CAMK1D: variants seen among roughly 807,000 people sequenced by gnomAD.
CAMK1D encodes calcium/calmodulin-dependent protein kinase type 1D.
In CAMK1D, 9 loss-of-function variants were observed where a neutral mutation model predicts 47.7. That is an observed-to-expected ratio of 0.19 (90% confidence interval 0.11 to 0.33). The LOEUF is 0.33. Ranked by LOEUF, CAMK1D falls within the 10% of genes least tolerant of loss-of-function variation. The pLI, the probability that CAMK1D is intolerant of heterozygous loss-of-function variation, is 1.00. For missense variants in CAMK1D, 291 were observed against 488.7 expected (o/e 0.60, Z 3.81); for synonymous variants, 184 against 184.9 (o/e 0.99, Z 0.04).
chr10:12,806,826 T>A (rs67620011), intron 6 of CAMK1D, among the ~76,000 whole-genome samples: 11,815 of 152,226 alleles, frequency 0.078, 467 homozygotes, highest in Middle Eastern at 0.13. Context: ...AGGGAATTTG[T>A]GTCTGGTCCC....
chr10:12,767,514 T>C (rs1836822221), intron 4 of CAMK1D, among the ~76,000 whole-genome samples: 1 of 152,056 alleles, frequency 6.6e-6, no homozygotes, highest in Non-Finnish European at 1.5e-5. Context: ...TTTGCCAAGG[T>C]CAAGAATGTG....
At chr10:12,616,651 G>A (rs1838831760) in intron 2 of CAMK1D, among the ~76,000 whole-genome samples, 1 of 152,042 alleles carries the variant, frequency 6.6e-6, no homozygotes, top group Non-Finnish European at 1.5e-5. Context: ...CCGAGTAGCT[G>A]GGACTACAGG....
intron 2 of CAMK1D, among the ~76,000 whole-genome samples, chr10:12,609,414 A>G (rs1838558648): frequency 6.6e-6 from 1 of 152,172 alleles, no homozygotes; most frequent in Non-Finnish European, 1.5e-5. Flanking sequence ...TTATTATTAC[A>G]TTGGAATACA....
intron 2 of CAMK1D, among the ~76,000 whole-genome samples, chr10:12,555,829 T>A (rs1215492778): frequency 2.6e-5 from 4 of 152,178 alleles, no homozygotes; most frequent in African/African-American, 9.7e-5. Context: ...AGGAAGTCAG[T>A]TTCATTTTTT....
At chr10:12,517,156 TA>T (rs2132177666) in intron 1 of CAMK1D, among the ~76,000 whole-genome samples, 1 of 152,332 alleles carries the variant, frequency 6.6e-6, no homozygotes, top group South Asian at 2.1e-4. Context: ...TGAATAGTAT[TA>T]TTTTTAAAAT....
intron 3 of CAMK1D, among the ~76,000 whole-genome samples, chr10:12,694,299 T>TACATA (rs1833133925): frequency 2.8e-5 from 2 of 71,784 alleles, no homozygotes; most frequent in Admixed American, 2.7e-4. Context: ...ATATATATTA[T>TACATA]ATATAAAATA....
At chr10:12,384,813 TTG>T (rs1459170177) in intron 1 of CAMK1D, among the ~76,000 whole-genome samples, 2 of 152,156 alleles carry the variant, frequency 1.3e-5, no homozygotes, top group Non-Finnish European at 2.9e-5. Context: ...TCATCAAAAA[TTG>T]TGCATCAAAG....
intron 1 of CAMK1D, among the ~76,000 whole-genome samples, chr10:12,504,900 C>G (rs550594397): frequency 9.2e-5 from 14 of 152,306 alleles, no homozygotes; most frequent in Non-Finnish European, 1.3e-4. Context: ...TGATGCTCTC[C>G]TGAGGTGTGG....
chr10:12,583,612 T>A (rs560915938), intron 2 of CAMK1D, among the ~76,000 whole-genome samples: 132 of 151,198 alleles, frequency 8.7e-4, no homozygotes, highest in African/African-American at 3.0e-3. Flanking sequence ...TTTATTTTTT[T>A]TTTTTTTTGA....
At chr10:12,696,095 CAAAAT>C (rs1167316796) in intron 3 of CAMK1D, among the ~76,000 whole-genome samples, 2 of 151,884 alleles carry the variant, frequency 1.3e-5, no homozygotes, top group African/African-American at 2.4e-5. Context: ...ATCTCAAAAA[CAAAAT>C]AAAATAAAAT....
chr10:12,465,472 A>T (rs1238972102), intron 1 of CAMK1D, among the ~76,000 whole-genome samples: 1 of 152,130 alleles, frequency 6.6e-6, no homozygotes, highest in African/African-American at 2.4e-5. Context: ...TTCCTGCCTC[A>T]GCCTTCCGAG....
chr10:12,768,921 G>A (rs1319693416), intron 4 of CAMK1D, among the ~76,000 whole-genome samples: 3 of 152,190 alleles, frequency 2.0e-5, no homozygotes, highest in African/African-American at 7.2e-5. Context: ...AGCCCCTCCT[G>A]TATGTTGCAG....
chr10:12,788,392 C>T (rs771899868), intron 5 of CAMK1D, among the ~76,000 whole-genome samples: 9 of 152,294 alleles, frequency 5.9e-5, no homozygotes, highest in Admixed American at 3.9e-4. Flanking sequence ...CTGGCTGCTG[C>T]GCCATCTCAC....
chr10:12,604,456 G>A (rs1023872242), intron 2 of CAMK1D, among the ~76,000 whole-genome samples: 4 of 152,194 alleles, frequency 2.6e-5, no homozygotes, highest in Non-Finnish European at 5.9e-5. Flanking sequence ...GTTGGCCCTT[G>A]GGAAGCTGAA....
At chr10:12,545,405 C>A (rs778199045) in intron 1 of CAMK1D, among the ~76,000 whole-genome samples, 1 of 142,294 alleles carries the variant, frequency 7.0e-6, no homozygotes, top group Admixed American at 7.5e-5. Flanking sequence ...AGCTAGATGA[C>A]GCCACTGCAC....
At chr10:12,397,332 C>T (rs767249246) in intron 1 of CAMK1D, among the ~76,000 whole-genome samples, 50 of 152,134 alleles carry the variant, frequency 3.3e-4, no homozygotes, top group Non-Finnish European at 6.0e-4. Context: ...CTTTGTGTGT[C>T]CTTGACCCTT....
At chr10:12,795,747 A>G (rs1471178369) in intron 6 of CAMK1D, among the ~76,000 whole-genome samples, 2 of 152,248 alleles carry the variant, frequency 1.3e-5, no homozygotes, top group Middle Eastern at 3.4e-3. Context: ...CCATTTATCT[A>G]CTATTCATCA....
At chr10:12,790,111 C>A (rs1837913132) in intron 5 of CAMK1D, among the ~76,000 whole-genome samples, 1 of 152,200 alleles carries the variant, frequency 6.6e-6, no homozygotes, top group African/African-American at 2.4e-5. Context: ...GAACAAGCCA[C>A]AAGGCCAGGA....
intron 2 of CAMK1D, among the ~76,000 whole-genome samples, chr10:12,614,044 A>G (rs1838709267): frequency 6.6e-6 from 1 of 152,122 alleles, no homozygotes; most frequent in South Asian, 2.1e-4. Context: ...CTCCTTAATT[A>G]TTATTTTTTA....
Sources: gnomAD v4.1 joint callset for allele counts (sites outside exome capture counted in the v4.1 genomes callset) on GRCh38, gnomAD v4.1.1 for gene constraint, MANE v1.5 for transcripts, NCBI Gene and HGNC (gene_info 2026-07-23, HGNC 2026-07-21) for gene names.